CSMD1: variants seen among roughly 807,000 people sequenced by gnomAD.
CSMD1 encodes CUB and sushi domain-containing protein 1.
CSMD1 carries 213 observed loss-of-function variants against 417.5 expected under a neutral mutation model. The observed-to-expected ratio is 0.51, with a 90% CI of 0.46 to 0.57. The LOEUF is 0.57. Ranked by LOEUF, CSMD1 falls within the 20% of genes least tolerant of loss-of-function variation. The pLI is 0.00. For missense variants in CSMD1, 6,923 were observed against 4,529.7 expected (o/e 1.53, Z -15.17); for synonymous variants, 2,862 against 1,736.8 (o/e 1.65, Z -16.11).
intron 7 of CSMD1, among the ~76,000 whole-genome samples, chr8:3,651,907 T>TTACCATCATCAGAGCACC (rs1194207055): frequency 5.3e-5 from 8 of 150,250 alleles, no homozygotes; most frequent in African/African-American, 1.5e-4. Flanking sequence ...ATCAGAGTGC[T>TTACCATCATCAGAGCACC]TACCATCATC....
chr8:3,671,141 A>G (rs1469818608), intron 7 of CSMD1, among the ~76,000 whole-genome samples: 1 of 147,494 alleles, frequency 6.8e-6, no homozygotes, highest in Non-Finnish European at 1.5e-5. Flanking sequence ...TATGGGATAT[A>G]TGTATATGGG....
intron 3 of CSMD1, among the ~76,000 whole-genome samples, chr8:4,272,446 A>G (rs769518753): frequency 1.3e-5 from 2 of 152,220 alleles, no homozygotes; most frequent in African/African-American, 2.4e-5. Flanking sequence ...AAAACTATCT[A>G]AAACCAGGAT....
chr8:4,272,403 C>T (rs1460298725), intron 3 of CSMD1, among the ~76,000 whole-genome samples: 1 of 152,052 alleles, frequency 6.6e-6, no homozygotes, highest in Non-Finnish European at 1.5e-5. Context: ...GACCTATAGA[C>T]AATGAGGATT....
intron 6 of CSMD1, among the ~76,000 whole-genome samples, chr8:3,731,626 G>A (rs375532221): frequency 6.6e-6 from 1 of 152,134 alleles, no homozygotes; most frequent in African/African-American, 2.4e-5. Context: ...AAAATGGAAA[G>A]GATGCACTGA....
At chr8:4,303,563 C>G (rs1315547724) in intron 3 of CSMD1, among the ~76,000 whole-genome samples, 1 of 151,414 alleles carries the variant, frequency 6.6e-6, no homozygotes, top group East Asian at 2.0e-4. Flanking sequence ...AAAATTTCTT[C>G]TCAGCAGCGT....
At chr8:3,187,305 G>A (rs1216982240) in intron 36 of CSMD1, among the ~76,000 whole-genome samples, 2 of 152,138 alleles carry the variant, frequency 1.3e-5, no homozygotes, top group Non-Finnish European at 2.9e-5. Flanking sequence ...ATTGAATGAC[G>A]CTCGAGGGCA....
At chr8:2,973,068 T>C in intron 57 of CSMD1, 49 bp downstream of exon 57, 1 of 1,565,994 alleles carries the variant, frequency 6.4e-7, no homozygotes, top group Non-Finnish European at 8.7e-7. Context: ...TAGAACGAGC[T>C]GTGTGGTTTT....
intron 26 of CSMD1, among the ~76,000 whole-genome samples, chr8:3,276,101 G>C (rs181422941): frequency 4.4e-4 from 67 of 152,228 alleles, no homozygotes; most frequent in Admixed American, 1.4e-3. Context: ...GTACAGATGG[G>C]TTTTTGGTGT....
At chr8:3,660,753 T>G (rs1798374112) in intron 7 of CSMD1, among the ~76,000 whole-genome samples, 2 of 152,034 alleles carry the variant, frequency 1.3e-5, no homozygotes, top group Admixed American at 1.3e-4. Context: ...ACTCCTGACC[T>G]CAAATGATCC....
At chr8:4,687,370 G>T (rs545407667) in intron 1 of CSMD1, among the ~76,000 whole-genome samples, 3 of 152,290 alleles carry the variant, frequency 2.0e-5, no homozygotes, top group East Asian at 3.9e-4. Context: ...ATTAAGTAAC[G>T]TGATATAGCT....
At chr8:3,149,510 G>A (rs916834898) in intron 40 of CSMD1, among the ~76,000 whole-genome samples, 8 of 151,916 alleles carry the variant, frequency 5.3e-5, no homozygotes, top group African/African-American at 1.2e-4. Flanking sequence ...ACAGAGTCTC[G>A]CTCTGTCACC....
At chr8:4,987,283 T>C (rs909399508) in intron 1 of CSMD1, among the ~76,000 whole-genome samples, 5 of 152,142 alleles carry the variant, frequency 3.3e-5, no homozygotes, top group African/African-American at 9.7e-5. Context: ...GCACACAAAG[T>C]TTACATAGAG....
chr8:4,104,686 C>A (rs375168961), intron 3 of CSMD1, among the ~76,000 whole-genome samples: 3 of 152,216 alleles, frequency 2.0e-5, no homozygotes, highest in African/African-American at 7.2e-5. Context: ...AGCACAGTTC[C>A]AGGCGGTTTC....
At chr8:4,774,648 A>G (rs1013053417) in intron 1 of CSMD1, among the ~76,000 whole-genome samples, 2 of 152,112 alleles carry the variant, frequency 1.3e-5, no homozygotes, top group African/African-American at 2.4e-5. Flanking sequence ...TTCATGTTCA[A>G]TTGTAACCTC....
chr8:4,607,562 C>G (rs1212368236), intron 2 of CSMD1, among the ~76,000 whole-genome samples: 2 of 152,120 alleles, frequency 1.3e-5, no homozygotes, highest in South Asian at 4.1e-4. Flanking sequence ...CAACAAGGAC[C>G]TCATTAAATG....
At chr8:3,639,931 G>C (rs780898910) in intron 7 of CSMD1, among the ~76,000 whole-genome samples, 1 of 152,182 alleles carries the variant, frequency 6.6e-6, no homozygotes, top group Admixed American at 6.5e-5. Flanking sequence ...TTAAAAGCCA[G>C]ATAAGAAGAG....
intron 1 of CSMD1, among the ~76,000 whole-genome samples, chr8:4,800,394 C>G (rs534148257): frequency 6.8e-6 from 1 of 147,788 alleles, no homozygotes; most frequent in African/African-American, 2.5e-5. Context: ...TCAGAGATCA[C>G]GCCACTGTAC....
At chr8:2,958,796 G>A (rs1803220545) in intron 62 of CSMD1, among the ~76,000 whole-genome samples, 1 of 152,198 alleles carries the variant, frequency 6.6e-6, no homozygotes, top group Non-Finnish European at 1.5e-5. Context: ...CTTGTTTCTT[G>A]CTCTGAGAAT....
At chr8:4,104,051 A>T (rs902469327) in intron 3 of CSMD1, among the ~76,000 whole-genome samples, 1 of 152,146 alleles carries the variant, frequency 6.6e-6, no homozygotes, top group Non-Finnish European at 1.5e-5. Flanking sequence ...TCTGGGCATT[A>T]CTCAAGTACT....
Sources: gnomAD v4.1 joint callset for allele counts (sites outside exome capture counted in the v4.1 genomes callset) on GRCh38, gnomAD v4.1.1 for gene constraint, MANE v1.5 for transcripts, NCBI Gene and HGNC (gene_info 2026-07-23, HGNC 2026-07-21) for gene names.